The following CDKN2B-AS1 variants were observed in gnomAD, a reference collection of about 807,000 sequenced individuals.
CDKN2B-AS1 encodes the protein CDKN2B antisense RNA 1 (non-protein coding).
intron 4 of CDKN2B-AS1, among the ~76,000 whole-genome samples, chr9:22,076,330 G>T (rs1041269071): frequency 2.6e-5 from 4 of 152,080 alleles, no homozygotes; most frequent in African/African-American, 7.2e-5. Context: ...TGGGATTACA[G>T]GTGTGAGCCA....
Position 22,046,001 on chromosome 9 carries a change from T to C in CDKN2B-AS1, n.30-750T>C, listed in dbSNP as rs190239283. 3.2e-3 allele frequency among the ~76,000 whole-genome samples: 484 copies of C among 152,256 alleles called. 1 individual carries two copies. The highest frequency in any genetic ancestry group is 0.01 in the African/African-American group (431 of 41,576). ...AAATAGGCAGAAATTTTGTTTGCAC[T>C]GGACTTAGAATATAAGAAGAAAATT... On this transcript the variant is annotated intron_variant and non_coding_transcript_variant, in intron 1 of 4. Transcript: ENST00000650946.
intron 4 of CDKN2B-AS1, among the ~76,000 whole-genome samples, chr9:22,093,354 A>C (rs1048564292): frequency 1.6e-5 from 2 of 122,518 alleles, no homozygotes; most frequent in Non-Finnish European, 3.4e-5. Context: ...TGCAGAGCTG[A>C]CTTCAATTCC....
At chr9:22,114,121 G>A (rs1391292693) in intron 4 of CDKN2B-AS1, among the ~76,000 whole-genome samples, 1 of 152,098 alleles carries the variant, frequency 6.6e-6, no homozygotes, top group Non-Finnish European at 1.5e-5. Flanking sequence ...GTAGCATCAG[G>A]TATGCAAATG....
chr9:22,005,900 G>T lies in CDKN2B-AS1; in HGVS notation n.29+10739G>T, dbSNP rs1399536153. On this transcript the variant is annotated intron_variant and non_coding_transcript_variant, in intron 1 of 4. Coordinates refer to ENST00000650946, the Ensembl canonical transcript of CDKN2B-AS1. The surrounding 1 kb of genome is among the most constrained non-coding windows in gnomAD (Gnocchi z 4.9). ...GCTTACAGGCTTTCCGCCGCTCCCC[G>T]TTGGCAGCCTTCATCGAATTAGGTG... 2.0e-6 allele frequency: 3 copies of T among 1,534,632 alleles called. No individual in the cohort carries two copies. The highest frequency in any genetic ancestry group is 2.6e-6 in the Non-Finnish European group (3 of 1,138,692).
At position 22,005,904 on chromosome 9, in the gene CDKN2B-AS1, G is replaced by A; in HGVS notation, n.29+10743G>A. On this transcript the variant is annotated intron_variant and non_coding_transcript_variant, in intron 1 of 4. Coordinates refer to ENST00000650946, the Ensembl canonical transcript of CDKN2B-AS1. The surrounding 1 kb of genome is among the most constrained non-coding windows in gnomAD (Gnocchi z 4.9). The stretch of plus-strand genomic sequence containing the variant: ...ACAGGCTTTCCGCCGCTCCCCGTTG[G>A]CAGCCTTCATCGAATTAGGTGGGTG... 2 of 1,541,334 alleles carry A rather than the reference G, an allele frequency of 1.3e-6. No individual in the cohort carries two copies. Among genetic ancestry groups the A allele is most frequent in the Non-Finnish European group, 1.7e-6 (2 of 1,143,066 alleles).
At chr9:22,021,130 G>A (rs1337279502) in intron 1 of CDKN2B-AS1, among the ~76,000 whole-genome samples, 2 of 152,150 alleles carry the variant, frequency 1.3e-5, no homozygotes, top group Non-Finnish European at 2.9e-5. Flanking sequence ...ATTGAATAGG[G>A]AATCTGTTCT....
At chr9:22,035,012 A>G (rs1263550387) in intron 1 of CDKN2B-AS1, among the ~76,000 whole-genome samples, 2 of 152,184 alleles carry the variant, frequency 1.3e-5, no homozygotes. Flanking sequence ...AAATGGGGAT[A>G]ATAAAACCTG....
At chr9:22,028,484 T>TA (rs1460989533) in intron 1 of CDKN2B-AS1, among the ~76,000 whole-genome samples, 1 of 152,058 alleles carries the variant, frequency 6.6e-6, no homozygotes, top group Non-Finnish European at 1.5e-5. Flanking sequence ...AATGAAACTT[T>TA]AAAAAAAGAA....
At chr9:22,098,864 G>A (rs377267116) in intron 4 of CDKN2B-AS1, among the ~76,000 whole-genome samples, 2 of 152,060 alleles carry the variant, frequency 1.3e-5, no homozygotes, top group East Asian at 3.8e-4. Flanking sequence ...TACATCTAGG[G>A]GCCAAAGTAC....
At chr9:22,123,484 A>T (rs1826137086) in intron 4 of CDKN2B-AS1, among the ~76,000 whole-genome samples, 1 of 152,178 alleles carries the variant, frequency 6.6e-6, no homozygotes, top group Non-Finnish European at 1.5e-5. Context: ...CAGAATAAAA[A>T]CTTCAGTAGA....
intron 1 of CDKN2B-AS1, among the ~76,000 whole-genome samples, chr9:22,023,269 G>T (rs1038573570): frequency 2.8e-4 from 43 of 152,056 alleles, no homozygotes; most frequent in Admixed American, 2.0e-4. Context: ...CCAATGAATT[G>T]TAGATGTGGT....
intron 4 of CDKN2B-AS1, among the ~76,000 whole-genome samples, chr9:22,063,191 A>T (rs1587478669): frequency 1.3e-5 from 2 of 152,100 alleles, no homozygotes; most frequent in East Asian, 3.9e-4. Context: ...GATGAGGCAC[A>T]CCTGTAAAGA....
At chr9:22,101,367 C>A (rs977711957) in intron 4 of CDKN2B-AS1, among the ~76,000 whole-genome samples, 7 of 152,022 alleles carry the variant, frequency 4.6e-5, no homozygotes, top group Admixed American at 3.9e-4. Context: ...TTATAAGATA[C>A]TCAGTCTGAA....
intron 4 of CDKN2B-AS1, chr9:22,119,349 A>G (rs971111269): frequency 1.3e-5 from 2 of 152,162 alleles, no homozygotes; most frequent in African/African-American, 4.8e-5. Flanking sequence ...TTTTTATGCT[A>G]CTTCCTTTGA....
Position 22,089,636 on chromosome 9 carries a change from G to A in CDKN2B-AS1, n.438+33249G>A, listed in dbSNP as rs140939237. Among the ~76,000 whole-genome samples, 578 of 151,818 alleles carry A rather than the reference G, an allele frequency of 3.8e-3. 2 individuals carry two copies. Among genetic ancestry groups the A allele is most frequent in the African/African-American group, 0.012 (484 of 41,388 alleles). On this transcript the variant is annotated intron_variant and non_coding_transcript_variant, in intron 4 of 4. Transcript: ENST00000650946. ...TTTTTTTTTCCCCTTATTTTGTAGG[G>A]ACAAGTTTTCTCCATGTTGCTGAGG... is the stretch of plus-strand genomic sequence containing the variant.
At chr9:22,067,267 A>C (rs375326456) in intron 4 of CDKN2B-AS1, among the ~76,000 whole-genome samples, 1 of 152,234 alleles carries the variant, frequency 6.6e-6, no homozygotes, top group South Asian at 2.1e-4. Context: ...GAGACTAAGC[A>C]TGATTTTTCT....
intron 4 of CDKN2B-AS1, among the ~76,000 whole-genome samples, chr9:22,068,835 T>C (rs1176129226): frequency 1.3e-5 from 2 of 152,226 alleles, no homozygotes; most frequent in African/African-American, 2.4e-5. Context: ...AGTAAACTGA[T>C]GGTCAACCTG....
intron 1 of CDKN2B-AS1, chr9:22,002,865 T>C (rs3217994): frequency 0.038 from 6,753 of 177,906 alleles, 386 homozygotes; most frequent in African/African-American, 0.13. Flanking sequence ...TTCATCCACT[T>C]AGGTGAAAAA....
At chr9:22,080,464 T>A (rs1207825162) in intron 4 of CDKN2B-AS1, among the ~76,000 whole-genome samples, 1 of 152,236 alleles carries the variant, frequency 6.6e-6, no homozygotes, top group East Asian at 1.9e-4. Flanking sequence ...CACAATACAC[T>A]GTGGAGGGGC....
Sources: allele counts gnomAD v4.1 joint callset (sites outside exome capture counted in the v4.1 genomes callset), GRCh38; gene constraint gnomAD v4.1.1; non-coding constraint Gnocchi (gnomAD v3.1); transcripts MANE v1.5; gene names NCBI Gene and HGNC (gene_info 2026-07-23, HGNC 2026-07-21).